Variants in CCDC171 observed in about 807,000 individuals in gnomAD.
CCDC171 encodes coiled-coil domain-containing protein 171.
A neutral mutation model predicts 168.2 loss-of-function variants in CCDC171; 177 were observed. That is an observed-to-expected ratio of 1.05 (90% CI 0.93 to 1.19). The LOEUF (loss-of-function observed/expected upper bound fraction) is 1.19. Ranked by LOEUF, CCDC171 falls within the 50% of genes most tolerant of loss-of-function variation. The pLI is 0.00. For missense variants in CCDC171, 1,991 were observed against 1,539.0 expected, an observed-to-expected ratio of 1.29 and a Z score of -4.91; for synonymous variants, 687 against 540.8, an observed-to-expected ratio of 1.27 and a Z score of -3.75.
chr9:15,774,791 A>T (rs1447285556), intron 18 of CCDC171, among the ~76,000 whole-genome samples: 2 of 152,262 alleles, frequency 1.3e-5, no homozygotes, highest in East Asian at 3.8e-4. Context: ...GGAACGAAAT[A>T]ATGGCATTTG....
intron 6 of CCDC171, among the ~76,000 whole-genome samples, chr9:15,618,126 C>T (rs898368181): frequency 6.6e-6 from 1 of 152,150 alleles, no homozygotes; most frequent in Admixed American, 6.5e-5. Context: ...CGACTGCAGC[C>T]GCCCCTTCCC....
chr9:16,008,420 G>A (rs951331035), intron 3 of CCDC171, among the ~76,000 whole-genome samples: 12 of 152,264 alleles, frequency 7.9e-5, no homozygotes, highest in African/African-American at 2.6e-4. Flanking sequence ...CCGCACATTC[G>A]TGACTATAGA....
chr9:15,675,723 G>A (rs1315270947), intron 9 of CCDC171, among the ~76,000 whole-genome samples: 1 of 152,118 alleles, frequency 6.6e-6, no homozygotes, highest in African/African-American at 2.4e-5. Context: ...TGGCTTGTAG[G>A]GTTTCTGCCA....
chr9:15,783,830 A>G (rs774627879), intron 20 of CCDC171, among the ~76,000 whole-genome samples: 2 of 150,638 alleles, frequency 1.3e-5, no homozygotes, highest in Non-Finnish European at 3.0e-5. Flanking sequence ...AGATGTGTAT[A>G]TATGAGTATT....
At chr9:15,751,011 T>C (rs1000910012) in intron 18 of CCDC171, among the ~76,000 whole-genome samples, 4 of 152,190 alleles carry the variant, frequency 2.6e-5, no homozygotes, top group Non-Finnish European at 5.9e-5. Context: ...GAGATGATTG[T>C]ATATTTAGAA....
At chr9:15,989,055 C>T (rs930085362) in intron 3 of CCDC171, among the ~76,000 whole-genome samples, 2 of 152,170 alleles carry the variant, frequency 1.3e-5, no homozygotes, top group Non-Finnish European at 2.9e-5. Flanking sequence ...TTAAATGTCC[C>T]TGTCTGACAG....
intron 7 of CCDC171, among the ~76,000 whole-genome samples, chr9:15,640,992 T>G (rs2046563352): frequency 6.6e-6 from 1 of 152,136 alleles, no homozygotes; most frequent in South Asian, 2.1e-4. Context: ...TATTAACAGC[T>G]ATTAAAATGT....
chr9:15,921,715 A>C (rs1486395431), intron 25 of CCDC171, among the ~76,000 whole-genome samples: 2 of 151,626 alleles, frequency 1.3e-5, no homozygotes, highest in Non-Finnish European at 3.0e-5. Flanking sequence ...TTAATTTCTT[A>C]ATGAGAGATT....
intron 24 of CCDC171, among the ~76,000 whole-genome samples, chr9:15,884,934 C>G (rs118070494): frequency 2.3e-3 from 347 of 152,244 alleles, no homozygotes; most frequent in Middle Eastern, 6.8e-3. Flanking sequence ...GATTGATGAC[C>G]TGTTCAACAT....
At chr9:15,835,631 T>G (rs943527063) in intron 21 of CCDC171, among the ~76,000 whole-genome samples, 1 of 152,186 alleles carries the variant, frequency 6.6e-6, no homozygotes, top group Non-Finnish European at 1.5e-5. Context: ...TTCACCATGT[T>G]GGTCAGGCTG....
chr9:15,778,340 A>AAAT (rs1564389685), intron 19 of CCDC171, among the ~76,000 whole-genome samples: 38 of 101,216 alleles, frequency 3.8e-4, no homozygotes, highest in African/African-American at 1.4e-3. Context: ...AAAAAAAAAA[A>AAAT]AAAAAAAAAA....
chr9:15,821,835 T>G (rs2059783871), intron 21 of CCDC171, among the ~76,000 whole-genome samples: 1 of 90,208 alleles, frequency 1.1e-5, no homozygotes, highest in Admixed American at 1.0e-4. Context: ...AAAAACTACT[T>G]TAAAGTTCAT....
At chr9:15,675,294 A>G (rs2049456906) in intron 9 of CCDC171, among the ~76,000 whole-genome samples, 1 of 142,152 alleles carries the variant, frequency 7.0e-6, no homozygotes, top group South Asian at 2.2e-4. Context: ...TCTCCTGTAT[A>G]CAGCACACTG....
chr9:15,603,304 A>G (rs1035343721), intron 6 of CCDC171, among the ~76,000 whole-genome samples: 3 of 152,146 alleles, frequency 2.0e-5, no homozygotes, highest in Non-Finnish European at 4.4e-5. Context: ...GGTTAGTTAC[A>G]TAGGTACACA....
intron 4 of CCDC171, among the ~76,000 whole-genome samples, chr9:15,583,347 G>C (rs1391044525): frequency 6.6e-6 from 1 of 151,312 alleles, no homozygotes; most frequent in Non-Finnish European, 1.5e-5. Context: ...GGGAGGCAGA[G>C]GTTGCAGTGA....
chr9:15,828,637 C>A (rs901486322), intron 21 of CCDC171, among the ~76,000 whole-genome samples: 1 of 152,122 alleles, frequency 6.6e-6, no homozygotes, highest in Non-Finnish European at 1.5e-5. Flanking sequence ...AGAGGACCAT[C>A]ATTCTCTATA....
intron 3 of CCDC171, among the ~76,000 whole-genome samples, chr9:15,985,186 A>G (rs1246670233): frequency 6.6e-6 from 1 of 152,180 alleles, no homozygotes; most frequent in East Asian, 1.9e-4. Flanking sequence ...ACAGGAAGGG[A>G]GGCTCCATAA....
intron 21 of CCDC171, among the ~76,000 whole-genome samples, chr9:15,793,047 A>G (rs2058351111): frequency 6.6e-6 from 1 of 152,226 alleles, no homozygotes; most frequent in African/African-American, 2.4e-5. Flanking sequence ...TAAAGAGTGA[A>G]GACCCATCAG....
intron 16 of CCDC171, among the ~76,000 whole-genome samples, chr9:15,733,952 T>C (rs984756334): frequency 4.6e-5 from 7 of 152,064 alleles, no homozygotes; most frequent in African/African-American, 1.7e-4. Flanking sequence ...TTTAAAATTT[T>C]TTTGTAGAGA....
Sources: allele counts gnomAD v4.1 joint callset (sites outside exome capture counted in the v4.1 genomes callset), GRCh38; gene constraint gnomAD v4.1.1; transcripts MANE v1.5; gene names NCBI Gene and HGNC (gene_info 2026-07-23, HGNC 2026-07-21).